The following ZNF614 variants were observed in gnomAD, a reference collection of about 807,000 sequenced individuals.
The protein encoded by ZNF614 is zinc finger protein 614.
A neutral mutation model predicts 12.8 loss-of-function variants in ZNF614; 11 were observed. The ratio of observed to expected loss-of-function variants is 0.86; its 90% CI spans 0.54 to 1.43. The LOEUF (loss-of-function observed/expected upper bound fraction) is 1.43, where lower values mean the gene tolerates loss of function less well. Ranked by LOEUF, ZNF614 falls within the 40% of genes most tolerant of loss-of-function variation. The pLI, the probability that ZNF614 is intolerant of heterozygous loss-of-function variation, is 0.00. For synonymous variants in ZNF614, 237 were observed against 237.5 expected, an observed-to-expected ratio of 1.00 and a Z score of 0.02; for missense variants, 664 against 708.8, an observed-to-expected ratio of 0.94 and a Z score of 0.72.
chr19:52,020,366 T>C (rs972300429), intron 2 of ZNF614, among the ~76,000 whole-genome samples: 23 of 152,128 alleles, frequency 1.5e-4, no homozygotes, highest in African/African-American at 5.1e-4. Flanking sequence ...TATTGCAAAA[T>C]GACACAAATC....
Position 52,016,798 on chromosome 19 carries a change from C to G in ZNF614, c.800G>C (p.Gly267Ala), listed in dbSNP as rs547062799. ...AATGAGACTACTCTTCACAGTAGAG[C>G]CTTTTCTATATTCATTGGGTATACA... ...KICIPNEYRK[G>A]STVKSSLITH... Residue 267 changes from glycine to alanine, a missense_variant, in exon 5 of 5, where the codon GGC becomes GCC. Coordinates refer to ENST00000270649, the MANE Select transcript of ZNF614 (RefSeq NM_025040.4). The G allele has an allele frequency of 6.2e-7, 1 of 1,613,740 alleles. No homozygotes were observed. Among genetic ancestry groups the G allele is most frequent in the South Asian group, 1.1e-5 (1 of 91,088 alleles).
At position 52,016,487 on chromosome 19, in the gene ZNF614, A is replaced by G. The variant is rs138512988; in HGVS notation, c.1111T>C (p.Tyr371His). ...HQRTHTGEKP[Y>H]MCSECGKGFT... ...CCTTTTCCACATTCACTGCACATAT[A>G]GGGTTTCTCTCCAGTATGAGTTCGC... Residue 371 changes from tyrosine (Y) to histidine (H), a missense_variant, in exon 5 of 5, where the codon TAT becomes CAT. By Grantham distance (83) the Tyr-to-His change is moderately conservative. Coordinates refer to ENST00000270649, the MANE Select transcript of ZNF614 (RefSeq NM_025040.4). 1 of 1,613,986 alleles carries G rather than the reference A, an allele frequency of 6.2e-7. No homozygotes were observed. Among genetic ancestry groups the G allele is most frequent in the African/African-American group, 1.3e-5 (1 of 74,932 alleles).
At position 52,015,763 on chromosome 19, in the gene ZNF614, A is replaced by T. The variant is rs2086891924; in HGVS notation, c.*77T>A. ...GTTCCAATTGGCTAGAAACACACTG[A>T]TGTTTAATGAAGTCTGAGTTGCCAC... is the stretch of plus-strand genomic sequence containing the variant. On this transcript the variant is annotated 3_prime_UTR_variant, in exon 5 of 5. Coordinates refer to ENST00000270649, the MANE Select transcript of ZNF614 (RefSeq NM_025040.4). The T allele has an allele frequency of 1.5e-6, 2 of 1,332,572 alleles. No homozygotes were observed. The highest frequency in any genetic ancestry group is 2.9e-5 in the African/African-American group (2 of 68,084). The allele number at this position is 1,332,572 out of a possible 1,614,324, so 82.5% of individuals were successfully genotyped here.
Position 52,014,093 on chromosome 19 carries a change from T to C in ZNF614, c.*1747A>G, listed in dbSNP as rs183792577. ...TAATATATTTAACATATTCAGTTTC[T>C]TTTCTACTTAAGTTTGCTTAATGTA... is the stretch of plus-strand genomic sequence containing the variant. On this transcript the variant is annotated 3_prime_UTR_variant, in exon 5 of 5. Coordinates refer to ENST00000270649, the MANE Select transcript of ZNF614 (RefSeq NM_025040.4). 1 of 152,342 alleles carries C rather than the reference T, an allele frequency of 6.6e-6. No homozygotes were observed. The highest frequency in any genetic ancestry group is 1.9e-4 in the East Asian group (1 of 5,186). The allele number at this position is 152,342 out of a possible 1,614,324, so 9.4% of individuals were successfully genotyped here.
intron 2 of ZNF614, among the ~76,000 whole-genome samples, chr19:52,024,093 A>G (rs2123127570): frequency 6.6e-6 from 1 of 152,320 alleles, no homozygotes; most frequent in East Asian, 1.9e-4. Context: ...ATACCCAGAA[A>G]GGGCATGGAA....
At chr19:52,017,684 G>C (rs1246814759) in intron 4 of ZNF614, 6 of 329,888 alleles carry the variant, frequency 1.8e-5, no homozygotes, top group Admixed American at 4.5e-5. Context: ...CTGGGTGATA[G>C]AGCGAGACTC....
At position 52,016,907 on chromosome 19, in the gene ZNF614, T is replaced by C. The variant is rs1368854260; in HGVS notation, c.691A>G (p.Asn231Asp). Residue 231 changes from asparagine to aspartate, a missense_variant, in exon 5 of 5, where the codon AAT becomes GAT. Physicochemically the swap from Asn to Asp is conservative, Grantham distance 23. Transcript: ENST00000270649. ...TTCTCACATTGACCACTTCCAGGAT[T>C]CTCTTGTATACAAATGTTCTCATGG... is the stretch of plus-strand genomic sequence containing the variant. ...IYHENICIQE[N>D]PGSGQCEKLS... 8 of 1,614,168 alleles carry C rather than the reference T, an allele frequency of 5.0e-6. No individual in the cohort carries two copies. Among genetic ancestry groups the C allele is most frequent in the Non-Finnish European group, 6.8e-6 (8 of 1,180,030 alleles).
In ZNF614 at chr19:52,018,040, G is replaced by A; in HGVS notation, c.206C>T (p.Thr69Ile). The change falls in exon 4 of 5, where the codon ACA becomes ATA. Residue 69 changes from threonine to isoleucine, a missense_variant. Thr to Ile is a moderately conservative substitution (Grantham distance 89). Transcript: ENST00000270649. ...KLAHGQEPWT[T>I]DAKIQNKNCP... ...ATTTTTATTCTGAATTTTAGCATCT[G>A]TTGTCCATGGTTCTTGTCCATGTGC... The A allele has an allele frequency of 6.2e-7, 1 of 1,613,976 alleles. No individual in the cohort carries two copies. The highest frequency in any genetic ancestry group is 8.5e-7 in the Non-Finnish European group (1 of 1,179,962).
rs971205502 is a variant in ZNF614, at chr19:52,014,182, G to A, written c.*1658C>T. ...CATAATATGGGGTGGTTGTTCTGGAGTATTTTCTGACACAAATAAATTCTC... is the reference window on the plus strand; with the variant it reads ...CATAATATGGGGTGGTTGTTCTGGAATATTTTCTGACACAAATAAATTCTC... On this transcript the variant is annotated 3_prime_UTR_variant, in exon 5 of 5. Transcript: ENST00000270649. The A allele has an allele frequency of 4.6e-5, 7 of 152,202 alleles. No individual in the cohort carries two copies. Among genetic ancestry groups the A allele is most frequent in the Non-Finnish European group, 1.0e-4 (7 of 68,038 alleles). 9.4% of individuals were successfully genotyped at this position (152,202 alleles called of 1,614,324 possible).
chr19:52,016,368 G>A lies in ZNF614; in HGVS notation c.1230C>T (p.Val410=). 1 of 1,612,622 alleles carries A rather than the reference G, an allele frequency of 6.2e-7. No homozygotes were observed. Among genetic ancestry groups the A allele is most frequent in the Non-Finnish European group, 8.5e-7 (1 of 1,179,250 alleles). The part of the protein sequence containing the change: ...ICSECGKGFT[V]KRTLVIHQRT... ...GCTGATGTATAACGAGAGTGCGTTT[G>A]ACAGTGAAGCCTTTTCCACATTCGC... The change falls in exon 5 of 5, where the codon GTC becomes GTT. Residue 410 remains valine, a synonymous_variant. Transcript: ENST00000270649.
rs781050954 is a variant in ZNF614 at position 52,015,576 on chromosome 19, AAT to A, written c.*262_*263del. ...TTATTGCTCAAAACATCTCCACATT[AAT>A]ATAGTTTATTCAACGTATTTTCATT... is the stretch of plus-strand genomic sequence containing the variant. On this transcript the variant is annotated 3_prime_UTR_variant, in exon 5 of 5. Transcript: ENST00000270649. 67 of 340,616 alleles carry A rather than the reference AAT, an allele frequency of 2.0e-4. 1 individual carries two copies. Among genetic ancestry groups the A allele is most frequent in the Admixed American group, 1.1e-3 (24 of 22,746 alleles). 21.1% of individuals were successfully genotyped at this position (340,616 alleles called of 1,614,324 possible).
At chr19:52,020,334 G>A (rs754274206) in intron 2 of ZNF614, among the ~76,000 whole-genome samples, 4 of 152,182 alleles carry the variant, frequency 2.6e-5, no homozygotes, top group Non-Finnish European at 5.9e-5. Flanking sequence ...AGAAAGTGCT[G>A]TGTTTACAAT....
chr19:52,016,452 C>T lies in ZNF614; in HGVS notation c.1146G>A (p.Val382=). Residue 382 remains valine (V), a synonymous_variant, in exon 5 of 5, where the codon GTG becomes GTA. Coordinates refer to ENST00000270649, the MANE Select transcript of ZNF614 (RefSeq NM_025040.4). ...GCTGATGTACAATGAGATTGCTCTT[C>T]ACGGTAAAGCCTTTTCCACATTCAC... ...MCSECGKGFT[V]KSNLIVHQRS... 5.0e-6 allele frequency: 8 copies of T among 1,614,062 alleles called. No homozygotes were observed. Among genetic ancestry groups the T allele is most frequent in the Non-Finnish European group, 6.8e-6 (8 of 1,179,992 alleles).
chr19:52,017,567 G>A (rs2086907295), intron 4 of ZNF614: 2 of 499,354 alleles, frequency 4.0e-6, no homozygotes, highest in South Asian at 5.2e-5. Context: ...CGGGCGTGGT[G>A]GCACATGCCT....
intron 2 of ZNF614, among the ~76,000 whole-genome samples, chr19:52,022,369 T>C (rs1382015809): frequency 6.6e-6 from 1 of 151,916 alleles, no homozygotes; most frequent in Non-Finnish European, 1.5e-5. Context: ...GGAGCACCTC[T>C]GCCCGGCCGC....
Position 52,015,760 on chromosome 19 carries a change from C to A in ZNF614, c.*80G>T, listed in dbSNP as rs543946459. ...TATGTTCCAATTGGCTAGAAACACACTGATGTTTAATGAAGTCTGAGTTGC... is the reference window on the plus strand; with the variant it reads ...TATGTTCCAATTGGCTAGAAACACAATGATGTTTAATGAAGTCTGAGTTGC... On this transcript the variant is annotated 3_prime_UTR_variant, in exon 5 of 5. Transcript: ENST00000270649. 1 of 1,324,656 alleles carries A rather than the reference C, an allele frequency of 7.5e-7. No individual in the cohort carries two copies. Among genetic ancestry groups the A allele is most frequent in the South Asian group, 1.4e-5 (1 of 70,716 alleles). 82.1% of individuals were successfully genotyped at this position (1,324,656 alleles called of 1,614,324 possible). A position where few individuals can be genotyped will look rare whatever the true frequency, so the allele number is the denominator to read the frequency against.
rs2086990124 is a variant in ZNF614 at position 52,028,357 on chromosome 19, G to A, written c.-332C>T. 1 of 152,312 alleles carries A rather than the reference G, an allele frequency of 6.6e-6. No homozygotes were observed. Among genetic ancestry groups the A allele is most frequent in the Non-Finnish European group, 1.5e-5 (1 of 68,084 alleles). The allele number at this position is 152,312 out of a possible 1,614,324, so 9.4% of individuals were successfully genotyped here. A position where few individuals can be genotyped will look rare whatever the true frequency, so the allele number is the denominator to read the frequency against. On this transcript the variant is annotated 5_prime_UTR_variant, in exon 1 of 5. Transcript: ENST00000270649. ...GGACTCCGGGAAGCTGAGCGGTAAA[G>A]ACCGTGAAGCGAGGCGAGGACCACG...
chr19:52,017,272 G>A lies in ZNF614; in HGVS notation c.326C>T (p.Thr109Ile). 1 of 1,613,976 alleles carries A rather than the reference G, an allele frequency of 6.2e-7. No homozygotes were observed. The highest frequency in any genetic ancestry group is 1.1e-5 in the South Asian group (1 of 91,086). ...GCTGAGATGTACAATATTTCTAAGT[G>A]TATTCTGTCCATTGCATTGCTGCAC... ...KSVQQCNGQN[T>I]LRNIVHLSKT... Residue 109 changes from threonine (T) to isoleucine (I), a missense_variant, in exon 5 of 5, where the codon ACA becomes ATA. Coordinates refer to ENST00000270649, the MANE Select transcript of ZNF614 (RefSeq NM_025040.4).
At chr19:52,017,861 T>C in intron 4 of ZNF614, 147 bp downstream of exon 4, 1 of 588,570 alleles carries the variant, frequency 1.7e-6, no homozygotes, top group Non-Finnish European at 3.0e-6. Context: ...TTTAAAGCTA[T>C]AACAGCATTA....
Sources: gnomAD v4.1 joint callset for allele counts (sites outside exome capture counted in the v4.1 genomes callset) on GRCh38, gnomAD v4.1.1 for gene constraint, MANE v1.5 for transcripts, NCBI Gene and HGNC (gene_info 2026-07-23, HGNC 2026-07-21) for gene names.